The following SLC25A17 variants were observed in gnomAD, a reference collection of about 807,000 sequenced individuals.
SLC25A17 encodes peroxisomal membrane protein PMP34.
Under a neutral mutation model 38.5 loss-of-function variants are expected in SLC25A17, and 26 were observed. The observed-to-expected ratio is 0.68, with a 90% confidence interval of 0.50 to 0.94. The LOEUF is 0.94. Ranked by LOEUF, SLC25A17 falls within the 40% of genes least tolerant of loss-of-function variation. The pLI is 0.00. For missense variants in SLC25A17, 333 were observed against 372.7 expected, an observed-to-expected ratio of 0.89 and a Z score of 0.88; for synonymous variants, 139 against 136.2, an observed-to-expected ratio of 1.02 and a Z score of -0.14.
chr22:40,778,349 T>A (rs1471159362), intron 5 of SLC25A17, among the ~76,000 whole-genome samples: 1 of 152,138 alleles, frequency 6.6e-6, no homozygotes, highest in African/African-American at 2.4e-5. Flanking sequence ...GCCAACAGGG[T>A]TGAAAGGTGT....
intron 2 of SLC25A17, 56 bp downstream of exon 2, chr22:40,798,967 T>C: frequency 1.8e-6 from 2 of 1,103,130 alleles, no homozygotes; most frequent in Non-Finnish European, 2.7e-6. Flanking sequence ...AAGAAATTAC[T>C]AGCGAAAATG....
Position 40,770,253 on chromosome 22 carries a change from G to C in SLC25A17, c.*581C>G, listed in dbSNP as rs1181382118. The C allele has an allele frequency of 1.3e-5, 2 of 152,068 alleles. No individual in the cohort carries two copies. The highest frequency in any genetic ancestry group is 4.8e-5 in the African/African-American group (2 of 41,412). 9.4% of individuals were successfully genotyped at this position (152,068 alleles called of 1,614,324 possible). A position where few individuals can be genotyped will look rare whatever the true frequency, so the allele number is the denominator to read the frequency against. On this transcript the variant is annotated 3_prime_UTR_variant, in exon 9 of 9. Coordinates refer to ENST00000435456, the MANE Select transcript of SLC25A17 (RefSeq NM_006358.4). ...CAAATAGTTTATAAGAGAATCATTTGGGTGAACAATTTTCATTTCACAAAA... is the reference window on the plus strand; with the variant it reads ...CAAATAGTTTATAAGAGAATCATTTCGGTGAACAATTTTCATTTCACAAAA...
chr22:40,795,300 T>C (rs1359107609), intron 2 of SLC25A17, among the ~76,000 whole-genome samples: 8 of 151,678 alleles, frequency 5.3e-5, no homozygotes, highest in Non-Finnish European at 1.0e-4. Flanking sequence ...TTTCTTCCTT[T>C]TTTTTTTTTT....
intron 4 of SLC25A17, among the ~76,000 whole-genome samples, chr22:40,792,011 C>T (rs1569405901): frequency 6.6e-6 from 1 of 151,998 alleles, no homozygotes; most frequent in African/African-American, 2.4e-5. Flanking sequence ...AATGGATAAA[C>T]AGAATGTGAT....
intron 4 of SLC25A17, among the ~76,000 whole-genome samples, chr22:40,782,763 G>C (rs752042293): frequency 6.6e-6 from 1 of 152,168 alleles, no homozygotes; most frequent in African/African-American, 2.4e-5. Context: ...AATACATTTT[G>C]AACTATCACA....
At chr22:40,805,577 T>C (rs2057522824) in intron 1 of SLC25A17, among the ~76,000 whole-genome samples, 1 of 152,102 alleles carries the variant, frequency 6.6e-6, no homozygotes, top group Admixed American at 6.6e-5. Flanking sequence ...AGAAGAAGAA[T>C]TGTCTTGGGC....
intron 2 of SLC25A17, among the ~76,000 whole-genome samples, chr22:40,795,292 T>C (rs1245869564): frequency 6.6e-6 from 1 of 151,528 alleles, no homozygotes; most frequent in Non-Finnish European, 1.5e-5. Context: ...AGAAAACATT[T>C]CTTCCTTTTT....
chr22:40,805,178 T>C (rs1032365967), intron 1 of SLC25A17, among the ~76,000 whole-genome samples: 3 of 151,936 alleles, frequency 2.0e-5, no homozygotes, highest in Admixed American at 2.0e-4. Flanking sequence ...CTATTAAAAA[T>C]ACAAAAATTA....
chr22:40,786,826 G>A (rs1364523008), intron 4 of SLC25A17, among the ~76,000 whole-genome samples: 1 of 152,186 alleles, frequency 6.6e-6, no homozygotes, highest in African/African-American at 2.4e-5. Flanking sequence ...TTTTGGTGGA[G>A]CAACTGGAAG....
At chr22:40,790,525 T>TA (rs1487432048) in intron 4 of SLC25A17, among the ~76,000 whole-genome samples, 1 of 151,068 alleles carries the variant, frequency 6.6e-6, no homozygotes, top group African/African-American at 2.4e-5. Flanking sequence ...TGGAAAAAAG[T>TA]AAAAAATGAA....
Position 40,777,061 on chromosome 22 carries a change from C to T in SLC25A17, c.672G>A (p.Gln224=), listed in dbSNP as rs371861654. The T allele has an allele frequency of 1.9e-6, 3 of 1,614,122 alleles. No individual in the cohort carries two copies. The highest frequency in any genetic ancestry group is 2.5e-6 in the Non-Finnish European group (3 of 1,179,996). ...TCACCCTCAGAATTGACTGTACCGT[C>T]TGCAGGGGATAGGTCACCGTGGTGG... ...AIATTVTYPL[Q]TVQSILRFGR... Residue 224 remains glutamine, a synonymous_variant, in exon 7 of 9, where the codon CAG becomes CAA. Coordinates refer to ENST00000435456, the MANE Select transcript of SLC25A17 (RefSeq NM_006358.4).
chr22:40,811,370 A>T lies in SLC25A17; in HGVS notation c.54+7825T>A, dbSNP rs144757053. ...ACTCCCGAAGTGCTGGGATTACAGG[A>T]GTGAGTCAATGAGCCTGGCCAATCG... On this transcript the variant is annotated intron_variant, in intron 1 of 8. Transcript: ENST00000435456. Among the ~76,000 whole-genome samples, 684 of 151,288 alleles carry T rather than the reference A, an allele frequency of 4.5e-3. 5 individuals carry two copies. The highest frequency in any genetic ancestry group is 0.015 in the African/African-American group (613 of 41,194).
chr22:40,779,412 C>A, intron 4 of SLC25A17: 1 of 687,440 alleles, frequency 1.5e-6, no homozygotes, highest in Non-Finnish European at 2.3e-6. Flanking sequence ...AATTTATATA[C>A]CATTCAAAGT....
chr22:40,771,058 T>G, intron 8 of SLC25A17, 77 bp from the exon 9 acceptor site: 4 of 1,277,760 alleles, frequency 3.1e-6, no homozygotes, highest in Non-Finnish European at 4.2e-6. Flanking sequence ...GCTACTTTGA[T>G]AAGAACAAGC....
At chr22:40,774,999 C>T (rs55889087) in intron 7 of SLC25A17, among the ~76,000 whole-genome samples, 7 of 152,242 alleles carry the variant, frequency 4.6e-5, no homozygotes, top group Non-Finnish European at 7.4e-5. Context: ...GCCTGTATTA[C>T]TGAAATGGCC....
intron 1 of SLC25A17, among the ~76,000 whole-genome samples, chr22:40,818,943 C>T (rs1294307173): frequency 6.6e-6 from 1 of 152,090 alleles, no homozygotes; most frequent in Non-Finnish European, 1.5e-5. Flanking sequence ...GGACCCTGAG[C>T]GGGCACGTGT....
At chr22:40,773,226 A>G (rs951084394) in intron 8 of SLC25A17, among the ~76,000 whole-genome samples, 1 of 151,950 alleles carries the variant, frequency 6.6e-6, no homozygotes, top group Admixed American at 6.6e-5. Context: ...TGGCAAACAC[A>G]GTGAAACCCC....
At chr22:40,802,011 C>T (rs1305959828) in intron 1 of SLC25A17, among the ~76,000 whole-genome samples, 2 of 151,902 alleles carry the variant, frequency 1.3e-5, no homozygotes, top group African/African-American at 2.4e-5. Context: ...AGGCTGGTCT[C>T]GAACTCCTGA....
chr22:40,792,789 A>G, intron 3 of SLC25A17, 113 bp from the exon 4 acceptor site: 1 of 1,049,356 alleles, frequency 9.5e-7, no homozygotes, highest in East Asian at 2.6e-5. Flanking sequence ...TCACTCCTAC[A>G]CGAATACAAG....
Sources: allele counts gnomAD v4.1 joint callset (sites outside exome capture counted in the v4.1 genomes callset), GRCh38; gene constraint gnomAD v4.1.1; transcripts MANE v1.5; gene names NCBI Gene and HGNC (gene_info 2026-07-23, HGNC 2026-07-21).